Variants in WDFY3 observed in about 807,000 individuals in gnomAD.
WDFY3 encodes WD repeat and FYVE domain-containing protein 3.
Under a neutral mutation model 409.6 loss-of-function variants are expected in WDFY3, and 66 were observed. The ratio of observed to expected loss-of-function variants is 0.16; its 90% CI spans 0.13 to 0.20. The LOEUF (loss-of-function observed/expected upper bound fraction) is 0.20. Among genes scored for constraint, WDFY3 ranks in the 10% least tolerant of loss-of-function variants. WDFY3 has a pLI of 1.00. For missense variants in WDFY3, 3,031 were observed against 4,298.1 expected, an observed-to-expected ratio of 0.71 and a Z score of 8.24; for synonymous variants, 1,521 against 1,537.1, an observed-to-expected ratio of 0.99 and a Z score of 0.25.
chr4:84,948,072 A>G (rs1008036376), intron 1 of WDFY3, among the ~76,000 whole-genome samples: 1 of 152,172 alleles, frequency 6.6e-6, no homozygotes, highest in Non-Finnish European at 1.5e-5. Context: ...AAATGCTACT[A>G]TAACTTTTTA....
intron 22 of WDFY3, among the ~76,000 whole-genome samples, chr4:84,789,178 C>G (rs1578523672): frequency 6.6e-6 from 1 of 152,244 alleles, no homozygotes; most frequent in East Asian, 1.9e-4. Flanking sequence ...TGTTTCTTTA[C>G]TTGATAATCA....
intron 3 of WDFY3, among the ~76,000 whole-genome samples, chr4:84,890,699 C>T (rs898283809): frequency 6.6e-6 from 1 of 152,180 alleles, no homozygotes; most frequent in Non-Finnish European, 1.5e-5. Flanking sequence ...TTTTGCCATG[C>T]GGTTTCTGTT....
At chr4:84,915,174 G>C (rs1768316954) in intron 2 of WDFY3, among the ~76,000 whole-genome samples, 1 of 152,172 alleles carries the variant, frequency 6.6e-6, no homozygotes, top group South Asian at 2.1e-4. Context: ...AGCCAGGAGA[G>C]AGAAGAATGG....
intron 55 of WDFY3, among the ~76,000 whole-genome samples, chr4:84,702,732 A>C (rs1731246359): frequency 6.6e-6 from 1 of 152,222 alleles, no homozygotes; most frequent in Admixed American, 6.5e-5. Flanking sequence ...TCAAACTGAA[A>C]TCCAAATGTA....
At chr4:84,880,674 C>CACATAT (rs1218696740) in intron 3 of WDFY3, among the ~76,000 whole-genome samples, 9 of 50,360 alleles carry the variant, frequency 1.8e-4, no homozygotes, top group Admixed American at 2.7e-4. Flanking sequence ...GGGAACCATA[C>CACATAT]ATATATATAT....
At chr4:84,951,907 A>C (rs1049762113) in intron 1 of WDFY3, among the ~76,000 whole-genome samples, 1 of 152,244 alleles carries the variant, frequency 6.6e-6, no homozygotes, top group Non-Finnish European at 1.5e-5. Flanking sequence ...GGCAAGCCAC[A>C]GTCAAAAAGT....
intron 38 of WDFY3, among the ~76,000 whole-genome samples, chr4:84,740,773 C>G (rs541456547): frequency 2.4e-4 from 37 of 152,114 alleles, no homozygotes; most frequent in Non-Finnish European, 4.0e-4. Flanking sequence ...TTCAAAAGTA[C>G]TGAAAAAAAT....
chr4:84,720,303 C>T (rs140420016), intron 47 of WDFY3, among the ~76,000 whole-genome samples: 1 of 151,718 alleles, frequency 6.6e-6, no homozygotes, highest in Non-Finnish European at 1.5e-5. Context: ...GCAAAAGAGT[C>T]AAAAAAAGCT....
At chr4:84,830,699 C>T (rs1450432967) in intron 8 of WDFY3, among the ~76,000 whole-genome samples, 1 of 152,122 alleles carries the variant, frequency 6.6e-6, no homozygotes, top group Non-Finnish European at 1.5e-5. Flanking sequence ...AAGAATCCAC[C>T]TAATTCCATC....
intron 13 of WDFY3, among the ~76,000 whole-genome samples, chr4:84,810,553 C>G (rs1010644837): frequency 2.0e-5 from 3 of 152,166 alleles, no homozygotes; most frequent in African/African-American, 7.2e-5. Flanking sequence ...GAAACACTAT[C>G]ACATATTTCT....
At chr4:84,877,191 A>G (rs927947940) in intron 3 of WDFY3, among the ~76,000 whole-genome samples, 5 of 151,896 alleles carry the variant, frequency 3.3e-5, no homozygotes, top group Non-Finnish European at 7.4e-5. Context: ...CTTTAACCAC[A>G]CCCGTCTACT....
chr4:84,798,391 C>T (rs1381444772), intron 17 of WDFY3, among the ~76,000 whole-genome samples: 1 of 152,000 alleles, frequency 6.6e-6, no homozygotes. Context: ...TAAATTCCAA[C>T]AGACTAATTA....
At chr4:84,822,140 G>GT (rs1754161282) in intron 10 of WDFY3, among the ~76,000 whole-genome samples, 1 of 151,956 alleles carries the variant, frequency 6.6e-6, no homozygotes, top group Admixed American at 6.6e-5. Flanking sequence ...CTATTCAAAC[G>GT]TACCAAATGG....
intron 1 of WDFY3, among the ~76,000 whole-genome samples, chr4:84,942,074 A>G (rs1461411497): frequency 1.3e-5 from 2 of 152,184 alleles, no homozygotes; most frequent in African/African-American, 2.4e-5. Context: ...ACATAAATGT[A>G]CAATCTAAAA....
chr4:84,927,188 A>C (rs1408086780), intron 2 of WDFY3, among the ~76,000 whole-genome samples: 1 of 152,218 alleles, frequency 6.6e-6, no homozygotes, highest in Non-Finnish European at 1.5e-5. Context: ...TCACGTAAAA[A>C]TCATGTCATC....
At chr4:84,958,966 A>G (rs1353403365) in intron 1 of WDFY3, among the ~76,000 whole-genome samples, 1 of 152,214 alleles carries the variant, frequency 6.6e-6, no homozygotes, top group East Asian at 1.9e-4. Flanking sequence ...TGATTGTATG[A>G]TGTCACTGAC....
At chr4:84,901,836 C>T (rs188775986) in intron 2 of WDFY3, among the ~76,000 whole-genome samples, 350 of 152,260 alleles carry the variant, frequency 2.3e-3, no homozygotes, top group Non-Finnish European at 4.2e-3. Context: ...AAATCAATAA[C>T]CCATCTCAGT....
At chr4:84,707,164 A>C (rs371740515) in intron 53 of WDFY3, among the ~76,000 whole-genome samples, 1 of 152,010 alleles carries the variant, frequency 6.6e-6, no homozygotes, top group East Asian at 1.9e-4. Context: ...TCCTGGACTC[A>C]TGCGATTTGC....
rs142636086 is a variant in WDFY3, at chr4:84,869,122, G to T, written c.-31-8500C>A. 1.8e-3 allele frequency among the ~76,000 whole-genome samples: 280 copies of T among 152,300 alleles called. 1 individual carries two copies. Among genetic ancestry groups the T allele is most frequent in the African/African-American group, 6.3e-3 (263 of 41,554 alleles). ...GTGGAAGGCACAGTACAGGGAGAGT[G>T]AGCTCAGGAATGAGATGCACTTCAG... On this transcript the variant is annotated intron_variant, in intron 3 of 67. Coordinates refer to ENST00000295888, the MANE Select transcript of WDFY3 (RefSeq NM_014991.6).
Sources: gnomAD v4.1 joint callset for allele counts (sites outside exome capture counted in the v4.1 genomes callset) on GRCh38, gnomAD v4.1.1 for gene constraint, MANE v1.5 for transcripts, NCBI Gene and HGNC (gene_info 2026-07-23, HGNC 2026-07-21) for gene names.